HTR2A: variants seen among roughly 807,000 people sequenced by gnomAD.
HTR2A encodes the protein 5-hydroxytryptamine receptor 2A.
Under a neutral mutation model 31.0 loss-of-function variants are expected in HTR2A, and 14 were observed. That is an observed-to-expected ratio of 0.45 (90% CI 0.30 to 0.71). HTR2A has a LOEUF of 0.71. HTR2A is among the 30% of genes least tolerant of loss of function. The pLI is 0.09. For missense variants in HTR2A, 442 were observed against 573.3 expected, an observed-to-expected ratio of 0.77 and a Z score of 2.34; for synonymous variants, 209 against 225.2, an observed-to-expected ratio of 0.93 and a Z score of 0.64.
In HTR2A at chr13:46,847,551, C is replaced by A. The variant is rs530395870; in HGVS notation, c.614-11912G>T. 2.0e-5 allele frequency among the ~76,000 whole-genome samples: 3 copies of A among 152,294 alleles called. No individual in the cohort carries two copies. The East Asian group carries it at 5.8e-4, about 29-fold the overall frequency. On this transcript the variant is annotated intron_variant, in intron 3 of 3. Coordinates refer to ENST00000542664, the MANE Select transcript of HTR2A (RefSeq NM_000621.5). ...AACAAAACACATTGTGCAAGCCAAA[C>A]AAAACAGATCTGTGGGCTAGACACA...
At chr13:46,845,644 A>C (rs1013114589) in intron 3 of HTR2A, among the ~76,000 whole-genome samples, 1 of 27,118 alleles carries the variant, frequency 3.7e-5, no homozygotes, top group Non-Finnish European at 6.4e-5. Flanking sequence ...TCATCACTCC[A>C]AAAAAAAAAA....
chr13:46,849,705 C>T (rs1378982505), intron 3 of HTR2A, among the ~76,000 whole-genome samples: 1 of 152,182 alleles, frequency 6.6e-6, no homozygotes, highest in East Asian at 1.9e-4. Flanking sequence ...TGCCCTCTCC[C>T]CAGTCAGCCT....
rs1876306583 is a variant in HTR2A, at chr13:46,833,133, A to G, written c.*1704T>C. On this transcript the variant is annotated 3_prime_UTR_variant, in exon 4 of 4. Transcript: ENST00000542664. ...AAACTGGCTTGAGATTGAGGTGCGT[A>G]TTTCTAAATTAATTGCAATGTTAAG... is the stretch of plus-strand genomic sequence containing the variant. 1 of 152,142 alleles carries G rather than the reference A, an allele frequency of 6.6e-6. No homozygotes were observed. Among genetic ancestry groups the G allele is most frequent in the African/African-American group, 2.4e-5 (1 of 41,438 alleles). 9.4% of individuals were successfully genotyped at this position (152,142 alleles called of 1,614,324 possible).
At chr13:46,850,020 T>C (rs1950670687) in intron 3 of HTR2A, among the ~76,000 whole-genome samples, 1 of 152,246 alleles carries the variant, frequency 6.6e-6, no homozygotes, top group Non-Finnish European at 1.5e-5. Context: ...CTAGTAGACT[T>C]CCTTATTACC....
chr13:46,895,900 T>C lies in HTR2A; in HGVS notation c.7A>G (p.Ile3Val). 1 of 1,607,598 alleles carries C rather than the reference T, an allele frequency of 6.2e-7. No individual in the cohort carries two copies. The highest frequency in any genetic ancestry group is 8.5e-7 in the Non-Finnish European group (1 of 1,176,686). Reference sequence around the variant, plus strand: ...AAAGAAGTATTTTCTTCACAAAGAATATCCATGTCTAAGCCAGAACTTGTA... The same window carrying C: ...AAAGAAGTATTTTCTTCACAAAGAACATCCATGTCTAAGCCAGAACTTGTA... MD[I>V]LCEENTSLSS... The change falls in exon 2 of 4, where the codon ATT becomes GTT. Residue 3 changes from isoleucine (I) to valine (V), a missense_variant. Coordinates refer to ENST00000542664, the MANE Select transcript of HTR2A (RefSeq NM_000621.5). This position sits in a 1 kb window ranked among gnomAD's most constrained non-coding sequence, Gnocchi z 4.4.
At chr13:46,897,860 T>C (rs139353201), upstream of HTR2A, among the ~76,000 whole-genome samples, 1 of 152,276 alleles carries the variant, frequency 6.6e-6, no homozygotes, top group African/African-American at 2.4e-5. Flanking sequence ...TAGCTGCCCA[T>C]TGGCTCCTTC....
chr13:46,892,020 G>T (rs1951057131), intron 3 of HTR2A, among the ~76,000 whole-genome samples: 1 of 152,204 alleles, frequency 6.6e-6, no homozygotes, highest in South Asian at 2.1e-4. Flanking sequence ...TAGCAAAGTG[G>T]TCTGCATCCT....
chr13:46,882,827 A>G (rs1479456933), intron 3 of HTR2A, among the ~76,000 whole-genome samples: 2 of 152,228 alleles, frequency 1.3e-5, no homozygotes. Flanking sequence ...ATAAATTAGC[A>G]TCTATTTTCT....
intron 3 of HTR2A, among the ~76,000 whole-genome samples, chr13:46,864,497 T>G (rs1352774923): frequency 2.0e-5 from 3 of 151,996 alleles, no homozygotes; most frequent in Admixed American, 6.6e-5. Context: ...AAGCCAGGAG[T>G]GTCATTTTCT....
chr13:46,846,322 G>T (rs1359020934), intron 3 of HTR2A, among the ~76,000 whole-genome samples: 1 of 152,026 alleles, frequency 6.6e-6, no homozygotes. Flanking sequence ...CTAACAGCTG[G>T]CAATTATAGA....
chr13:46,894,373 C>A (rs916342224), intron 2 of HTR2A, among the ~76,000 whole-genome samples: 21 of 152,260 alleles, frequency 1.4e-4, no homozygotes, highest in African/African-American at 5.1e-4. Flanking sequence ...GTTTGGGAAG[C>A]GAGAATCTTC....
chr13:46,872,855 GGA>G (rs1950874570), intron 3 of HTR2A, among the ~76,000 whole-genome samples: 1 of 152,050 alleles, frequency 6.6e-6, no homozygotes. Flanking sequence ...AGATTCTCTG[GGA>G]ATGGGCCCTG....
Position 46,835,645 on chromosome 13 carries a change from G to A in HTR2A, c.614-6C>T. On this transcript the variant is annotated splice_polypyrimidine_tract_variant and splice_region_variant and intron_variant, in intron 3 of 3. Transcript: ENST00000542664. ...TGGTATTGGCATGGATATACCTGGA[G>A]TTGAACAGAAAATGAAACATGATTA... The A allele has an allele frequency of 6.3e-7, 1 of 1,590,706 alleles. No individual in the cohort carries two copies. Among genetic ancestry groups the A allele is most frequent in the Non-Finnish European group, 8.6e-7 (1 of 1,166,398 alleles).
chr13:46,876,410 T>A (rs1323220883), intron 3 of HTR2A, among the ~76,000 whole-genome samples: 1,191 of 70,922 alleles, frequency 0.017, 8 homozygotes, highest in African/African-American at 0.038. Flanking sequence ...ATATATTTTT[T>A]TTTTTTTTTT....
chr13:46,891,308 C>T (rs566338459), intron 3 of HTR2A, among the ~76,000 whole-genome samples: 2 of 152,226 alleles, frequency 1.3e-5, no homozygotes, highest in South Asian at 4.1e-4. Context: ...CAATAAAATC[C>T]TTGTTGTGCT....
chr13:46,862,336 GC>G (rs1950785995), intron 3 of HTR2A, among the ~76,000 whole-genome samples: 1 of 152,192 alleles, frequency 6.6e-6, no homozygotes, highest in Non-Finnish European at 1.5e-5. Flanking sequence ...ATAACTAAGG[GC>G]CTACTGTGTG....
At chr13:46,848,160 C>T (rs1158851481) in intron 3 of HTR2A, among the ~76,000 whole-genome samples, 2 of 152,182 alleles carry the variant, frequency 1.3e-5, no homozygotes, top group African/African-American at 2.4e-5. Flanking sequence ...AAAAGTTGTA[C>T]ATACCCTGAA....
intron 3 of HTR2A, among the ~76,000 whole-genome samples, chr13:46,846,115 A>AT (rs1045596456): frequency 6.6e-6 from 1 of 152,170 alleles, no homozygotes; most frequent in Non-Finnish European, 1.5e-5. Flanking sequence ...AAAAAAAGCC[A>AT]TTAGTTTGCA....
intron 3 of HTR2A, among the ~76,000 whole-genome samples, chr13:46,858,698 G>A (rs1224307163): frequency 6.6e-6 from 1 of 152,118 alleles, no homozygotes. Context: ...GAGAGGGTGA[G>A]GAAGAAGGAA....
Sources: allele counts gnomAD v4.1 joint callset (sites outside exome capture counted in the v4.1 genomes callset), GRCh38; gene constraint gnomAD v4.1.1; non-coding constraint Gnocchi (gnomAD v3.1); transcripts MANE v1.5; gene names NCBI Gene and HGNC (gene_info 2026-07-23, HGNC 2026-07-21).